The following NAALADL2 variants were observed in gnomAD, a reference collection of about 807,000 sequenced individuals.
The protein encoded by NAALADL2 is inactive N-acetylated-alpha-linked acidic dipeptidase-like protein 2.
A neutral mutation model predicts 87.2 loss-of-function variants in NAALADL2; 76 were observed. That is an observed-to-expected ratio of 0.87 (90% CI 0.72 to 1.05). The LOEUF (loss-of-function observed/expected upper bound fraction) is 1.05. NAALADL2 is among the 50% of genes least tolerant of loss of function. The pLI, the probability that NAALADL2 is intolerant of heterozygous loss-of-function variation, is 0.00. For synonymous variants in NAALADL2, 354 were observed against 331.0 expected, an observed-to-expected ratio of 1.07 and a Z score of -0.75; for missense variants, 1,089 against 945.8, an observed-to-expected ratio of 1.15 and a Z score of -1.99.
chr3:175,345,559 G>A (rs528058509), intron 5 of NAALADL2, among the ~76,000 whole-genome samples: 30 of 152,106 alleles, frequency 2.0e-4, no homozygotes, highest in Non-Finnish European at 3.4e-4. Flanking sequence ...GTAAAAGTAA[G>A]AGTGGTTTCT....
chr3:174,706,686 G>A (rs1003144092), intron 2 of NAALADL2, among the ~76,000 whole-genome samples: 9 of 152,176 alleles, frequency 5.9e-5, no homozygotes, highest in African/African-American at 1.9e-4. Context: ...ATTGCTTTTG[G>A]TGTTGTAGAC....
intron 1 of NAALADL2, among the ~76,000 whole-genome samples, chr3:175,082,982 A>T (rs1046151875): frequency 2.6e-5 from 4 of 152,176 alleles, no homozygotes; most frequent in African/African-American, 9.7e-5. Context: ...TCTCACATAG[A>T]TCTCTTCACA....
At chr3:174,882,799 GTGTGTATATGTGCATATGTGTATATATA>G (rs1729545511) in intron 1 of NAALADL2, among the ~76,000 whole-genome samples, 1 of 97,344 alleles carries the variant, frequency 1.0e-5, no homozygotes, top group African/African-American at 5.9e-5. Flanking sequence ...ATATATACAC[GTGTGTATATGTGCATATGTGTATATATA>G]CACGTGTGTA....
At chr3:174,996,993 GGTGT>G (rs34590643) in intron 1 of NAALADL2, among the ~76,000 whole-genome samples, 16,327 of 121,396 alleles carry the variant, frequency 0.13, 904 homozygotes, top group African/African-American at 0.16. Context: ...TATTCCAAGG[GGTGT>G]GTGTGTGTGT....
intron 1 of NAALADL2, among the ~76,000 whole-genome samples, chr3:174,985,071 A>G (rs1211465875): frequency 1.6e-4 from 25 of 152,230 alleles, no homozygotes. Context: ...AATGGTTCAG[A>G]TCATACTTCC....
intron 1 of NAALADL2, among the ~76,000 whole-genome samples, chr3:174,488,459 A>G (rs1190837534): frequency 6.6e-6 from 1 of 152,092 alleles, no homozygotes; most frequent in Non-Finnish European, 1.5e-5. Flanking sequence ...CCTGAGCACA[A>G]GGTTTCAGTT....
chr3:175,254,025 A>C (rs1749510203), intron 3 of NAALADL2, among the ~76,000 whole-genome samples: 1 of 152,224 alleles, frequency 6.6e-6, no homozygotes, highest in Non-Finnish European at 1.5e-5. Flanking sequence ...CAAAGGATTT[A>C]GAATACTACG....
At chr3:175,512,841 C>A (rs1731344387) in intron 9 of NAALADL2, among the ~76,000 whole-genome samples, 1 of 152,178 alleles carries the variant, frequency 6.6e-6, no homozygotes, top group Non-Finnish European at 1.5e-5. Context: ...CAGAAGCAAA[C>A]AATTTGCCTT....
intron 13 of NAALADL2, among the ~76,000 whole-genome samples, chr3:175,786,396 A>G (rs1038431978): frequency 6.6e-6 from 1 of 152,090 alleles, no homozygotes; most frequent in Admixed American, 6.6e-5. Context: ...GGCTTTGCTC[A>G]TTGCTTTTTA....
chr3:174,637,241 A>G (rs1722738162), intron 2 of NAALADL2, among the ~76,000 whole-genome samples: 1 of 152,068 alleles, frequency 6.6e-6, no homozygotes, highest in African/African-American at 2.4e-5. Context: ...GATAGAAGGT[A>G]TAAGTTCTAA....
intron 9 of NAALADL2, among the ~76,000 whole-genome samples, chr3:175,497,624 A>G (rs1203815478): frequency 6.6e-6 from 1 of 152,132 alleles, no homozygotes; most frequent in Admixed American, 6.6e-5. Flanking sequence ...CCAAACACTT[A>G]ATCTAAATTC....
At chr3:175,445,544 A>G (rs916790777) in intron 5 of NAALADL2, among the ~76,000 whole-genome samples, 1 of 152,052 alleles carries the variant, frequency 6.6e-6, no homozygotes, top group African/African-American at 2.4e-5. Flanking sequence ...CATTATATTG[A>G]CTTACCACTT....
At chr3:175,217,775 C>G (rs939892471) in intron 2 of NAALADL2, among the ~76,000 whole-genome samples, 1 of 152,122 alleles carries the variant, frequency 6.6e-6, no homozygotes, top group South Asian at 2.1e-4. Context: ...AGAAGCCAAA[C>G]AAGGATTTGG....
intron 3 of NAALADL2, among the ~76,000 whole-genome samples, chr3:174,804,753 C>T (rs1398194070): frequency 6.6e-6 from 1 of 152,038 alleles, no homozygotes; most frequent in Non-Finnish European, 1.5e-5. Context: ...AAAATCTATA[C>T]AGTAAAAAAG....
At chr3:174,770,433 A>G (rs1169806804) in intron 3 of NAALADL2, among the ~76,000 whole-genome samples, 1 of 152,200 alleles carries the variant, frequency 6.6e-6, no homozygotes, top group Non-Finnish European at 1.5e-5. Context: ...TCATTTGTGA[A>G]TAGGTATGAT....
At position 175,398,704 on chromosome 3, in the gene NAALADL2, C is replaced by A. The variant is rs1001364603; in HGVS notation, c.1091-48525C>A. On this transcript the variant is annotated intron_variant, in intron 5 of 13. Transcript: ENST00000454872. ...GAGTGCCTGTTTCCTGGAATTACATCGTTGTTTTATTTTAAACATTTCCAC... is the reference window on the plus strand; with the variant it reads ...GAGTGCCTGTTTCCTGGAATTACATAGTTGTTTTATTTTAAACATTTCCAC... Among the ~76,000 whole-genome samples the A allele has an allele frequency of 1.3e-4, 20 of 152,076 alleles. 3 individuals are homozygous for A. The highest frequency in any genetic ancestry group is 3.9e-4 in the Admixed American group (6 of 15,250).
chr3:174,535,749 G>A (rs913067266), intron 1 of NAALADL2, among the ~76,000 whole-genome samples: 1 of 152,010 alleles, frequency 6.6e-6, no homozygotes, highest in African/African-American at 2.4e-5. Flanking sequence ...TATATAATTT[G>A]TTGAGTTTAT....
upstream of NAALADL2, among the ~76,000 whole-genome samples, chr3:174,858,165 T>C (rs1399941108): frequency 1.4e-5 from 2 of 148,020 alleles, no homozygotes; most frequent in Admixed American, 6.8e-5. Context: ...ATTATTACAA[T>C]ATTAAATATA....
In NAALADL2 at chr3:174,849,132, T is replaced by A. The variant is rs1007254569; in HGVS notation, c.-9+111386T>A. ...TGTTCTGCGTGAGTCAGTAAGTGTG[T>A]GGTGAGTGAATGCAAAGAACTAGGA... On this transcript the variant is annotated intron_variant, in intron 3 of 3. Transcript: ENST00000434257. Among the ~76,000 whole-genome samples the A allele has an allele frequency of 2.0e-5, 3 of 152,288 alleles. No homozygotes were observed. The South Asian group carries it at 6.2e-4, about 32-fold the overall frequency.
Sources: gnomAD v4.1 joint callset for allele counts (sites outside exome capture counted in the v4.1 genomes callset) on GRCh38, gnomAD v4.1.1 for gene constraint, MANE v1.5 for transcripts, NCBI Gene and HGNC (gene_info 2026-07-23, HGNC 2026-07-21) for gene names.